TSC22D3: variants seen among roughly 807,000 people sequenced by gnomAD.
The protein encoded by TSC22D3 is TSC22 domain family member 3, also known as TSC22 domain family protein 3.
A neutral mutation model predicts 11.1 loss-of-function variants in TSC22D3; 4 were observed. The ratio of observed to expected loss-of-function variants is 0.36; its 90% CI spans 0.18 to 0.83. The LOEUF is 0.83. Among genes scored for constraint, TSC22D3 ranks in the 40% least tolerant of loss-of-function variants. The pLI, the probability that TSC22D3 is intolerant of heterozygous loss-of-function variation, is 0.48. For missense variants in TSC22D3, 118 were observed against 159.4 expected, an observed-to-expected ratio of 0.74 and a Z score of 1.40; for synonymous variants, 77 against 70.3, an observed-to-expected ratio of 1.10 and a Z score of -0.48.
chrX:107,742,260 TGA>T (rs1232034872), intron 1 of TSC22D3, among the ~76,000 whole-genome samples: 9 of 77,992 alleles, frequency 1.2e-4, no homozygotes, highest in African/African-American at 1.8e-4. Flanking sequence ...CACATGTATT[TGA>T]GAGAGAGAGA....
At chrX:107,737,253 C>T (rs1211516805) in intron 1 of TSC22D3, among the ~76,000 whole-genome samples, 1 of 111,565 alleles carries the variant, frequency 9.0e-6, no homozygotes, top group Non-Finnish European at 1.9e-5. Flanking sequence ...CTCCTTATTC[C>T]CCCAGGCAAT....
At chrX:107,753,681 C>G (rs1258580181) in intron 1 of TSC22D3, among the ~76,000 whole-genome samples, 1 of 111,753 alleles carries the variant, frequency 8.9e-6, no homozygotes, top group African/African-American at 3.3e-5. Context: ...ATTTCAAAGA[C>G]ACACAGAAAT....
intron 1 of TSC22D3, among the ~76,000 whole-genome samples, chrX:107,722,910 A>G (rs1455270093): frequency 8.9e-6 from 1 of 112,221 alleles, no homozygotes; most frequent in Admixed American, 9.4e-5. Context: ...CAAGGAAATT[A>G]AAAAAAGTAA....
intron 1 of TSC22D3, among the ~76,000 whole-genome samples, chrX:107,768,068 T>C (rs1327838570): frequency 8.9e-6 from 1 of 112,284 alleles, no homozygotes; most frequent in Non-Finnish European, 1.9e-5. Context: ...CAGCCAGCCA[T>C]GGCAGATTAT....
intron 1 of TSC22D3, among the ~76,000 whole-genome samples, chrX:107,751,209 G>C (rs1034812346): frequency 9.8e-5 from 11 of 112,147 alleles, no homozygotes; most frequent in Non-Finnish European, 1.5e-4. Flanking sequence ...TGGGTGGAGG[G>C]GAAGAGGTCG....
At chrX:107,736,732 A>G (rs933132460) in intron 1 of TSC22D3, among the ~76,000 whole-genome samples, 1 of 111,063 alleles carries the variant, frequency 9.0e-6, no homozygotes, top group Non-Finnish European at 1.9e-5. Context: ...CCTTCCAGGC[A>G]TGACCAGATC....
In TSC22D3 at chrX:107,744,488, TA is replaced by T. The variant is rs1290621812; in HGVS notation, c.321-28539del. ...ACAGTGAGACTCCGTTTCAAAAAAATAAAAAAAATTTAAATTTAAATTAAAA... is the reference window on the plus strand; with the variant it reads ...ACAGTGAGACTCCGTTTCAAAAAAATAAAAAAATTTAAATTTAAATTAAAA... On this transcript the variant is annotated intron_variant, in intron 1 of 2. Transcript: ENST00000372383. 6.4e-5 allele frequency among the ~76,000 whole-genome samples: 7 copies of T among 109,972 alleles called. No individual in the cohort carries two copies. In the South Asian group the frequency reaches 1.2e-3, roughly 18 times the overall value.
chrX:107,729,452 C>T (rs775996545), intron 1 of TSC22D3, among the ~76,000 whole-genome samples: 1 of 112,520 alleles, frequency 8.9e-6, no homozygotes, highest in Admixed American at 9.3e-5. Flanking sequence ...CTACTTTCTG[C>T]TGGCAGTGGC....
chrX:107,716,227 TG>T, intron 1 of TSC22D3: 1 of 876,508 alleles, frequency 1.1e-6, no homozygotes, highest in Non-Finnish European at 1.5e-6. Flanking sequence ...CAGGCCACCG[TG>T]GCCTGCTCGG....
intron 1 of TSC22D3, among the ~76,000 whole-genome samples, chrX:107,766,203 T>C (rs919868618): frequency 8.9e-6 from 1 of 111,842 alleles, no homozygotes. Context: ...CATTTGTTAT[T>C]AGAGAAATCT....
intron 1 of TSC22D3, among the ~76,000 whole-genome samples, chrX:107,760,320 G>A (rs1929381399): frequency 8.9e-6 from 1 of 112,450 alleles, no homozygotes. Flanking sequence ...TTGGCATCAG[G>A]TGTACCCAAA....
chrX:107,749,981 G>T (rs544693250), intron 1 of TSC22D3, among the ~76,000 whole-genome samples: 2 of 111,895 alleles, frequency 1.8e-5, no homozygotes, highest in East Asian at 5.6e-4. Context: ...GGTACTGGAA[G>T]GCCTATTAAA....
At chrX:107,775,063 C>T in intron 1 of TSC22D3, 37 bp downstream of exon 1, 2 of 1,193,773 alleles carry the variant, frequency 1.7e-6, no homozygotes, top group Non-Finnish European at 2.3e-6. Context: ...CTGGTGGGAG[C>T]AAGGACCGAG....
At chrX:107,716,400 C>G (rs1438990394) in intron 1 of TSC22D3, 1 of 935,186 alleles carries the variant, frequency 1.1e-6, no homozygotes, top group Admixed American at 5.7e-5. Context: ...CGGCCAGCCC[C>G]CTGCCCAGCC....
chrX:107,716,567 C>CCAGA, intron 1 of TSC22D3: 1 of 893,815 alleles, frequency 1.1e-6, no homozygotes. Context: ...CGCCCCTTCC[C>CCAGA]AGGATGCTGC....
chrX:107,716,376 C>T, intron 1 of TSC22D3: 1 of 918,268 alleles, frequency 1.1e-6, no homozygotes, highest in East Asian at 5.6e-5. Context: ...TTCTCCCAAG[C>T]GGCGCACGGC....
rs1008721723 is a variant in TSC22D3 at position 107,713,224 on chromosome X, AT to A, written c.*1294del. On this transcript the variant is annotated 3_prime_UTR_variant, in exon 3 of 3. Transcript: ENST00000372383. ...TTATACTCAGTCAGACACCAAGTTT[AT>A]TTTTAGAAAAACAGAGCAAAGTTTA... The A allele has an allele frequency of 8.9e-5, 10 of 111,943 alleles. No homozygotes were observed. The highest frequency in any genetic ancestry group is 1.7e-4 in the Non-Finnish European group (9 of 53,150). 9.2% of individuals were successfully genotyped at this position (111,943 alleles called of 1,213,427 possible). A position where few individuals can be genotyped will look rare whatever the true frequency, so the allele number is the denominator to read the frequency against.
At chrX:107,764,438 C>T (rs1014183670) in intron 1 of TSC22D3, among the ~76,000 whole-genome samples, 7 of 111,932 alleles carry the variant, frequency 6.3e-5, no homozygotes, top group African/African-American at 3.3e-5. Context: ...GAGGATGGAA[C>T]GTTGACCATG....
intron 1 of TSC22D3, among the ~76,000 whole-genome samples, chrX:107,766,787 G>A (rs1420267851): frequency 1.8e-5 from 2 of 110,679 alleles, no homozygotes; most frequent in Non-Finnish European, 1.9e-5. Context: ...CTTTTCCTTG[G>A]GAAGTATGAT....
Sources: gnomAD v4.1 joint callset for allele counts (sites outside exome capture counted in the v4.1 genomes callset) on GRCh38, gnomAD v4.1.1 for gene constraint, MANE v1.5 for transcripts, NCBI Gene and HGNC (gene_info 2026-07-23, HGNC 2026-07-21) for gene names.